FARP1: variants seen among roughly 807,000 people sequenced by gnomAD.
FARP1 encodes FERM, ARHGEF and pleckstrin domain-containing protein 1.
FARP1 carries 52 observed loss-of-function variants against 128.8 expected under a neutral mutation model. The observed-to-expected ratio is 0.40, with a 90% confidence interval of 0.32 to 0.51. FARP1 has a LOEUF of 0.51. Ranked by LOEUF, FARP1 falls within the 20% of genes least tolerant of loss-of-function variation. FARP1 has a pLI of 0.45. For missense variants in FARP1, 1,333 were observed against 1,367.9 expected, an observed-to-expected ratio of 0.97 and a Z score of 0.40; for synonymous variants, 580 against 551.8, an observed-to-expected ratio of 1.05 and a Z score of -0.72.
Position 98,268,398 on chromosome 13 carries a change from G to A in FARP1, c.171+54985G>A, listed in dbSNP as rs530887111. Among the ~76,000 whole-genome samples the A allele has an allele frequency of 2.8e-4, 43 of 152,296 alleles. 1 individual carries two copies. The highest frequency in any genetic ancestry group is 8.9e-4 in the African/African-American group (37 of 41,564). On this transcript the variant is annotated intron_variant, in intron 2 of 26. Transcript: ENST00000319562. The stretch of plus-strand genomic sequence containing the variant: ...CCATGGGGTTGGGTCAGCAGGAAGA[G>A]ATACTGGCCAGCAGAAACCTCTTCC...
At chr13:98,390,962 T>G in intron 11 of FARP1, 82 bp downstream of exon 11, 1 of 935,794 alleles carries the variant, frequency 1.1e-6, no homozygotes, top group Non-Finnish European at 1.7e-6. Flanking sequence ...AAATATTTCT[T>G]TACCCAGACT....
chr13:98,330,896 T>G (rs957180341), intron 2 of FARP1, among the ~76,000 whole-genome samples: 1 of 152,198 alleles, frequency 6.6e-6, no homozygotes, highest in African/African-American at 2.4e-5. Flanking sequence ...TTTAGGCATG[T>G]GAGGCTCTCT....
Position 98,424,589 on chromosome 13 carries a change from C to T in FARP1, c.1844C>T (p.Ala615Val). ...RLALWEGRSNAQIRDYQRIGD... is the reference protein window; with the variant it reads ...RLALWEGRSNVQIRDYQRIGD... ...GCTCTCAGGGAAGGCCGCTCAAATG[C>T]CCAAATCAGAGATTACCAAAGAATC... Residue 615 changes from alanine (A) to valine (V), a missense_variant, in exon 17 of 27, where the codon GCC (alanine) becomes GTC (valine). Transcript: ENST00000319562. The T allele has an allele frequency of 1.9e-6, 3 of 1,613,346 alleles. No homozygotes were observed. The highest frequency in any genetic ancestry group is 2.5e-6 in the Non-Finnish European group (3 of 1,179,310).
At chr13:98,369,247 A>G (rs189449453) in intron 5 of FARP1, among the ~76,000 whole-genome samples, 27 of 152,134 alleles carry the variant, frequency 1.8e-4, no homozygotes, top group Admixed American at 1.7e-3. Flanking sequence ...TTGAGGCAAG[A>G]CTGATGGTGT....
chr13:98,190,851 A>G (rs529562582), intron 1 of FARP1, among the ~76,000 whole-genome samples: 1 of 151,768 alleles, frequency 6.6e-6, no homozygotes, highest in Non-Finnish European at 1.5e-5. Context: ...CCAGCCTCAT[A>G]TGATATTTCA....
chr13:98,305,757 A>G (rs917285805), intron 2 of FARP1, among the ~76,000 whole-genome samples: 3 of 152,158 alleles, frequency 2.0e-5, no homozygotes, highest in South Asian at 2.1e-4. Context: ...CTGCACATCT[A>G]GAGTCTCTCA....
At chr13:98,300,533 A>G (rs1265777337) in intron 2 of FARP1, among the ~76,000 whole-genome samples, 1 of 152,184 alleles carries the variant, frequency 6.6e-6, no homozygotes, top group East Asian at 1.9e-4. Flanking sequence ...AGTTTTATAA[A>G]CATATACAAA....
intron 2 of FARP1, among the ~76,000 whole-genome samples, chr13:98,320,373 GT>G (rs1234722139): frequency 2.6e-5 from 4 of 152,158 alleles, no homozygotes; most frequent in African/African-American, 9.7e-5. Flanking sequence ...GTTTTACCCA[GT>G]TTGCCCGTCA....
At chr13:98,303,859 T>C (rs1208646990) in intron 2 of FARP1, among the ~76,000 whole-genome samples, 1 of 152,148 alleles carries the variant, frequency 6.6e-6, no homozygotes, top group Non-Finnish European at 1.5e-5. Context: ...ATTAAGAAAT[T>C]CAAAGACTGC....
chr13:98,387,278 G>A (rs1477747859), intron 8 of FARP1, among the ~76,000 whole-genome samples: 2 of 152,154 alleles, frequency 1.3e-5, no homozygotes, highest in Admixed American at 6.5e-5. Flanking sequence ...TCCAGCCTGG[G>A]TGACAGAGCA....
intron 16 of FARP1, among the ~76,000 whole-genome samples, chr13:98,413,762 T>C (rs9582227): frequency 0.014 from 2,088 of 152,310 alleles, 39 homozygotes; most frequent in African/African-American, 0.043. Flanking sequence ...TCATACAAAG[T>C]TGAATGATGC....
chr13:98,360,353 C>T (rs540430019), intron 3 of FARP1, among the ~76,000 whole-genome samples: 27 of 152,298 alleles, frequency 1.8e-4, no homozygotes, highest in African/African-American at 5.8e-4. Flanking sequence ...ACCTTGGCCT[C>T]CCAAAGTGCT....
intron 3 of FARP1, among the ~76,000 whole-genome samples, chr13:98,357,653 A>G (rs1269565965): frequency 6.6e-6 from 1 of 152,132 alleles, no homozygotes. Flanking sequence ...TATAGTTAGA[A>G]TAATTATTTT....
intron 2 of FARP1, among the ~76,000 whole-genome samples, chr13:98,255,958 C>T (rs1883567618): frequency 6.6e-6 from 1 of 152,202 alleles, no homozygotes. Flanking sequence ...AACAATCTGT[C>T]TGAACATTAG....
chr13:98,197,348 C>A (rs997114390), intron 1 of FARP1, among the ~76,000 whole-genome samples: 1 of 151,926 alleles, frequency 6.6e-6, no homozygotes, highest in Admixed American at 6.5e-5. Flanking sequence ...TGCCTGTAAT[C>A]CCAGCTACTC....
In FARP1 at chr13:98,379,180, AATATATATAATATATAAT is replaced by A. The variant is rs201812294; in HGVS notation, c.496+1286_496+1303del. ...TATATATAATATATAATCTATATAT[AATATATATAATATATAAT>A]ATATATATAATATATAATATATAAT... On this transcript the variant is annotated intron_variant, in intron 6 of 26. Coordinates refer to ENST00000319562, the MANE Select transcript of FARP1 (RefSeq NM_005766.4). Among the ~76,000 whole-genome samples the A allele has an allele frequency of 3.6e-4, 22 of 60,520 alleles. 3 individuals carry two copies. Among genetic ancestry groups the A allele is most frequent in the Non-Finnish European group, 5.9e-4 (20 of 34,116 alleles). 39.7% of individuals were successfully genotyped at this position (60,520 alleles called of 152,430 possible).
At chr13:98,182,554 C>T (rs1164684021) in intron 1 of FARP1, among the ~76,000 whole-genome samples, 3 of 152,202 alleles carry the variant, frequency 2.0e-5, no homozygotes, top group South Asian at 2.1e-4. Flanking sequence ...CTCAAACTCC[C>T]GGGCTTTAGT....
intron 12 of FARP1, 37 bp from the exon 13 acceptor site, chr13:98,395,190 C>T (rs372682771): frequency 3.8e-6 from 6 of 1,559,360 alleles, no homozygotes; most frequent in Non-Finnish European, 3.5e-6. Flanking sequence ...TCTCCCTCTT[C>T]TCTATCTCTC....
chr13:98,181,076 T>G (rs1328509703), intron 1 of FARP1, among the ~76,000 whole-genome samples: 2 of 152,180 alleles, frequency 1.3e-5, no homozygotes, highest in Non-Finnish European at 2.9e-5. Context: ...AGACAGAATT[T>G]TGCTCTTGTT....
Sources: gnomAD v4.1 joint callset for allele counts (sites outside exome capture counted in the v4.1 genomes callset) on GRCh38, gnomAD v4.1.1 for gene constraint, MANE v1.5 for transcripts, NCBI Gene and HGNC (gene_info 2026-07-23, HGNC 2026-07-21) for gene names.